The following PPP3CA variants were observed in gnomAD, a reference collection of about 807,000 sequenced individuals.
PPP3CA encodes CAM-PRP catalytic subunit.
Under a neutral mutation model 66.5 loss-of-function variants are expected in PPP3CA, and 14 were observed. The ratio of observed to expected loss-of-function variants is 0.21; its 90% CI spans 0.14 to 0.33. The LOEUF (loss-of-function observed/expected upper bound fraction) is 0.33. PPP3CA is among the 10% of genes least tolerant of loss of function. The probability of loss-of-function intolerance (pLI) is 1.00; values close to 1 mark genes in which losing one functional copy is unlikely to be tolerated. For missense variants in PPP3CA, 317 were observed against 639.5 expected (o/e 0.50, Z 5.44); for synonymous variants, 232 against 226.2 (o/e 1.03, Z -0.23).
At chr4:101,041,994 G>A (rs1015744134) in intron 10 of PPP3CA, among the ~76,000 whole-genome samples, 1 of 152,064 alleles carries the variant, frequency 6.6e-6, no homozygotes, top group African/African-American at 2.4e-5. Context: ...TGTGGTAACA[G>A]CAAGCTTTCA....
At chr4:101,152,510 T>C (rs1351061330) in intron 2 of PPP3CA, among the ~76,000 whole-genome samples, 1 of 152,258 alleles carries the variant, frequency 6.6e-6, no homozygotes, top group Non-Finnish European at 1.5e-5. Context: ...CTTTGTAAGA[T>C]CATGTAATGT....
chr4:101,027,137 T>TAC (rs147479131), intron 13 of PPP3CA, among the ~76,000 whole-genome samples: 230 of 152,284 alleles, frequency 1.5e-3, no homozygotes, highest in African/African-American at 5.2e-3. Context: ...CAGTTTGCTT[T>TAC]ACTCCCTGTG....
At chr4:101,100,294 T>C (rs1288018771) in intron 3 of PPP3CA, among the ~76,000 whole-genome samples, 3 of 152,074 alleles carry the variant, frequency 2.0e-5, no homozygotes, top group East Asian at 3.8e-4. Context: ...GCTGAGCTTG[T>C]CAATGCTTTG....
Position 101,070,449 on chromosome 4 carries a change from A to G in PPP3CA, c.956-7092T>C, listed in dbSNP as rs146272880. 1.6e-3 allele frequency among the ~76,000 whole-genome samples: 248 copies of G among 152,334 alleles called. 1 individual carries two copies. Among genetic ancestry groups the G allele is most frequent in the African/African-American group, 5.8e-3 (243 of 41,580 alleles). The stretch of plus-strand genomic sequence containing the variant: ...AAAATTGTAAGAGCATGTAAATTAA[A>G]GAACAGTGGAAAGGATACTAGTTCT... On this transcript the variant is annotated intron_variant, in intron 8 of 13. Transcript: ENST00000394854.
chr4:101,119,345 G>A (rs1310709870), intron 2 of PPP3CA, among the ~76,000 whole-genome samples: 7 of 151,928 alleles, frequency 4.6e-5, no homozygotes, highest in Admixed American at 1.3e-4. Context: ...TGGCAGCACC[G>A]TGACGAGTTT....
At chr4:101,134,209 G>A (rs1023052979) in intron 2 of PPP3CA, among the ~76,000 whole-genome samples, 2 of 152,090 alleles carry the variant, frequency 1.3e-5, no homozygotes, top group East Asian at 1.9e-4. Flanking sequence ...AACACCAAAA[G>A]CAATGGCAAC....
intron 1 of PPP3CA, among the ~76,000 whole-genome samples, chr4:101,244,408 T>C (rs984723822): frequency 1.3e-5 from 2 of 152,182 alleles, no homozygotes; most frequent in African/African-American, 4.8e-5. Context: ...CTCTTCAATC[T>C]GCAAGTCGAA....
chr4:101,339,851 A>G (rs1729756006), intron 1 of PPP3CA, among the ~76,000 whole-genome samples: 1 of 152,232 alleles, frequency 6.6e-6, no homozygotes, highest in Non-Finnish European at 1.5e-5. Flanking sequence ...TAGTTTAGAC[A>G]CTGACATACT....
chr4:101,127,464 T>A (rs149157054), intron 2 of PPP3CA, among the ~76,000 whole-genome samples: 1 of 151,964 alleles, frequency 6.6e-6, no homozygotes, highest in Non-Finnish European at 1.5e-5. Flanking sequence ...AGAGAGGCCA[T>A]GTAAAGATGG....
At chr4:101,030,126 ATATAAG>A (rs1279447604) in intron 12 of PPP3CA, among the ~76,000 whole-genome samples, 2 of 152,194 alleles carry the variant, frequency 1.3e-5, no homozygotes, top group Admixed American at 6.5e-5. Flanking sequence ...AACTTCCACT[ATATAAG>A]TATATGAGTC....
intron 1 of PPP3CA, among the ~76,000 whole-genome samples, chr4:101,241,541 T>C (rs1726310022): frequency 6.6e-6 from 1 of 152,162 alleles, no homozygotes; most frequent in Non-Finnish European, 1.5e-5. Context: ...TTTATATTAA[T>C]GTCATATTGT....
chr4:101,203,293 G>A (rs1041012380), intron 1 of PPP3CA, among the ~76,000 whole-genome samples: 3 of 152,082 alleles, frequency 2.0e-5, no homozygotes, highest in Admixed American at 2.0e-4. Flanking sequence ...TCAAGAGATC[G>A]AGACCATCCT....
At chr4:101,260,483 A>C (rs1726977575) in intron 1 of PPP3CA, among the ~76,000 whole-genome samples, 1 of 152,146 alleles carries the variant, frequency 6.6e-6, no homozygotes. Flanking sequence ...TCCTAGCACC[A>C]TTCTAGTCCA....
chr4:101,086,327 A>G (rs572564578), intron 6 of PPP3CA, among the ~76,000 whole-genome samples: 1 of 152,264 alleles, frequency 6.6e-6, no homozygotes, highest in South Asian at 2.1e-4. Context: ...AGCTGAGTGA[A>G]TAGGAACAAA....
chr4:101,325,420 G>T (rs1729178540), intron 1 of PPP3CA, among the ~76,000 whole-genome samples: 1 of 152,102 alleles, frequency 6.6e-6, no homozygotes, highest in African/African-American at 2.4e-5. Flanking sequence ...CTAAAGGTAA[G>T]GAATGGAAAA....
At chr4:101,110,211 T>A (rs1206529301) in intron 2 of PPP3CA, among the ~76,000 whole-genome samples, 1 of 152,190 alleles carries the variant, frequency 6.6e-6, no homozygotes, top group Non-Finnish European at 1.5e-5. Flanking sequence ...CATTCGTGAA[T>A]AAGAAATCAG....
intron 1 of PPP3CA, among the ~76,000 whole-genome samples, chr4:101,276,114 C>T (rs1437461935): frequency 2.0e-5 from 3 of 151,892 alleles, no homozygotes; most frequent in Non-Finnish European, 4.4e-5. Flanking sequence ...AGGCTGGTCC[C>T]GAACTCCTGG....
rs113051365 is a variant in PPP3CA, at chr4:101,289,488, G to C, written c.58+57251C>G. On this transcript the variant is annotated intron_variant, in intron 1 of 13. Transcript: ENST00000394854. ...TTATGATTTCCGCTATTCTCTTTTT[G>C]GACACTTCAGATGTTTCCAGTTGCC... Among the ~76,000 whole-genome samples the C allele has an allele frequency of 4.5e-3, 681 of 152,092 alleles. 4 individuals carry two copies. Among genetic ancestry groups the C allele is most frequent in the African/African-American group, 0.016 (645 of 41,474 alleles).
At chr4:101,338,021 T>C (rs916323460) in intron 1 of PPP3CA, among the ~76,000 whole-genome samples, 1 of 152,240 alleles carries the variant, frequency 6.6e-6, no homozygotes, top group South Asian at 2.1e-4. Flanking sequence ...CCTAATCTTA[T>C]ACATTTTTAT....
Sources: allele counts gnomAD v4.1 joint callset (sites outside exome capture counted in the v4.1 genomes callset), GRCh38; gene constraint gnomAD v4.1.1; transcripts MANE v1.5; gene names NCBI Gene and HGNC (gene_info 2026-07-23, HGNC 2026-07-21).